Variants in SPATA16 observed in about 807,000 individuals in gnomAD.
SPATA16 encodes the protein spermatogenesis associated 16.
Under a neutral mutation model 63.3 loss-of-function variants are expected in SPATA16, and 36 were observed. That is an observed-to-expected ratio of 0.57 (90% CI 0.44 to 0.75). The LOEUF (loss-of-function observed/expected upper bound fraction) is 0.75, where lower values mean the gene tolerates loss of function less well. SPATA16 is among the 30% of genes least tolerant of loss of function. SPATA16 has a pLI of 0.00. For missense variants in SPATA16, 646 were observed against 679.3 expected, an observed-to-expected ratio of 0.95 and a Z score of 0.54; for synonymous variants, 203 against 216.7, an observed-to-expected ratio of 0.94 and a Z score of 0.56.
rs1176070890 is a variant in SPATA16 at position 173,048,809 on chromosome 3, C to CT, written c.758+139dup. 7.3e-6 allele frequency: 8 copies of CT among 1,099,486 alleles called. No individual in the cohort carries two copies. In the East Asian group the frequency reaches 2.0e-4, roughly 28 times the overall value. The allele number at this position is 1,099,486 out of a possible 1,614,324, so 68.1% of individuals were successfully genotyped here. ...TTTTGTGGTCTCCATGATTGCCTCA[C>CT]TTGACATAAAACAAGCAGTAAATAA... is the stretch of plus-strand genomic sequence containing the variant. On this transcript the variant is annotated intron_variant, in intron 3 of 10. Coordinates refer to ENST00000351008, the MANE Select transcript of SPATA16 (RefSeq NM_031955.6).
At chr3:172,921,349 C>G (rs1732611919) in intron 8 of SPATA16, among the ~76,000 whole-genome samples, 1 of 152,160 alleles carries the variant, frequency 6.6e-6, no homozygotes, top group Admixed American at 6.5e-5. Context: ...GCACAAGACA[C>G]TGGTCACTCA....
chr3:173,072,903 T>C (rs1736706830), intron 2 of SPATA16, among the ~76,000 whole-genome samples: 1 of 152,214 alleles, frequency 6.6e-6, no homozygotes, highest in Non-Finnish European at 1.5e-5. Flanking sequence ...CCTAGAGACT[T>C]ACTGAATGGC....
At chr3:172,902,889 T>G (rs1308242138) in intron 10 of SPATA16, among the ~76,000 whole-genome samples, 2 of 152,244 alleles carry the variant, frequency 1.3e-5, no homozygotes, top group African/African-American at 4.8e-5. Context: ...ATCAGAAGGA[T>G]AAATGATCCA....
intron 6 of SPATA16, among the ~76,000 whole-genome samples, chr3:172,949,456 G>T (rs1180066134): frequency 6.6e-6 from 1 of 152,122 alleles, no homozygotes; most frequent in Admixed American, 6.5e-5. Context: ...GTGCAACATT[G>T]ACTTCAAAAT....
intron 10 of SPATA16, among the ~76,000 whole-genome samples, chr3:172,899,803 A>T (rs1251812776): frequency 6.6e-6 from 1 of 152,002 alleles, no homozygotes; most frequent in Non-Finnish European, 1.5e-5. Flanking sequence ...TTTGCTCTAG[A>T]TATTACATGT....
chr3:173,044,290 G>A (rs972435596), intron 3 of SPATA16, among the ~76,000 whole-genome samples: 2 of 151,984 alleles, frequency 1.3e-5, no homozygotes, highest in South Asian at 4.1e-4. Flanking sequence ...ATCTTTTATT[G>A]TCTATCTCTT....
intron 2 of SPATA16, among the ~76,000 whole-genome samples, chr3:173,059,832 CTTTTTTTTTTT>C (rs201000096): frequency 2.9e-4 from 21 of 71,342 alleles, no homozygotes; most frequent in African/African-American, 9.8e-4. Flanking sequence ...CATTTGGTAG[CTTTTTTTTTTT>C]TTTTTTTTTT....
intron 2 of SPATA16, among the ~76,000 whole-genome samples, chr3:173,086,638 A>G (rs1379995768): frequency 6.6e-6 from 1 of 152,100 alleles, no homozygotes; most frequent in East Asian, 1.9e-4. Flanking sequence ...TAGGATGTCA[A>G]TTTGAGACCT....
At chr3:173,138,211 C>T (rs1738604431) in intron 1 of SPATA16, among the ~76,000 whole-genome samples, 1 of 151,954 alleles carries the variant, frequency 6.6e-6, no homozygotes, top group South Asian at 2.1e-4. Flanking sequence ...TAATTGAGAA[C>T]CAGTGGGAGA....
At chr3:173,071,737 ATG>A (rs1736678384) in intron 2 of SPATA16, among the ~76,000 whole-genome samples, 1 of 152,234 alleles carries the variant, frequency 6.6e-6, no homozygotes. Flanking sequence ...AGATAAAAAA[ATG>A]TGAATTAAAA....
chr3:172,916,820 G>C (rs947617693), intron 8 of SPATA16, among the ~76,000 whole-genome samples: 10 of 152,324 alleles, frequency 6.6e-5, no homozygotes, highest in African/African-American at 2.4e-4. Context: ...CTGCCTAGAA[G>C]GGGCGACTTT....
chr3:173,009,528 A>G (rs771162315), intron 4 of SPATA16, among the ~76,000 whole-genome samples: 1 of 152,188 alleles, frequency 6.6e-6, no homozygotes, highest in Non-Finnish European at 1.5e-5. Flanking sequence ...AGCCCAATGG[A>G]TCTTGGATCC....
chr3:173,031,479 A>G (rs1735608169), intron 3 of SPATA16, among the ~76,000 whole-genome samples: 1 of 152,030 alleles, frequency 6.6e-6, no homozygotes, highest in South Asian at 2.1e-4. Context: ...CAGAAAGATG[A>G]GCTTATCCAA....
rs189964165 is a variant in SPATA16, at chr3:173,116,798, C to T, written c.612+322G>A. 1.7e-3 allele frequency among the ~76,000 whole-genome samples: 260 copies of T among 152,260 alleles called. 2 individuals are homozygous for T. Among genetic ancestry groups the T allele is most frequent in the African/African-American group, 4.1e-3 (172 of 41,538 alleles). On this transcript the variant is annotated intron_variant, in intron 2 of 10. Coordinates refer to ENST00000351008, the MANE Select transcript of SPATA16 (RefSeq NM_031955.6). ...CCACCACCATTGTACTAAAACTTTA[C>T]GGCTTTTATAGGTGGGCAGCTAAGT...
At chr3:173,010,763 A>C (rs1466871760) in intron 4 of SPATA16, among the ~76,000 whole-genome samples, 1 of 151,474 alleles carries the variant, frequency 6.6e-6, no homozygotes, top group Admixed American at 6.6e-5. Flanking sequence ...CGAAAATCGT[A>C]CCCCACAGGC....
chr3:172,892,196 A>G (rs1327682523), intron 10 of SPATA16, among the ~76,000 whole-genome samples: 3 of 152,136 alleles, frequency 2.0e-5, no homozygotes, highest in Admixed American at 1.3e-4. Flanking sequence ...TAGCTTTGAG[A>G]GTGTCTTGCC....
At chr3:172,994,019 T>TAGAG (rs1734641944) in intron 4 of SPATA16, among the ~76,000 whole-genome samples, 1 of 152,166 alleles carries the variant, frequency 6.6e-6, no homozygotes, top group East Asian at 1.9e-4. Flanking sequence ...CCATAAACTT[T>TAGAG]TCATTACAGA....
chr3:173,132,924 C>G (rs1738424267), intron 1 of SPATA16, among the ~76,000 whole-genome samples: 1 of 152,034 alleles, frequency 6.6e-6, no homozygotes, highest in Non-Finnish European at 1.5e-5. Context: ...AACTCAGAGA[C>G]CAAGATGGTC....
intron 4 of SPATA16, among the ~76,000 whole-genome samples, chr3:172,997,941 G>A (rs1734727488): frequency 2.6e-5 from 4 of 152,052 alleles, no homozygotes; most frequent in Non-Finnish European, 4.4e-5. Flanking sequence ...GATTACTGTA[G>A]CTTTATAGTA....
Sources: allele counts gnomAD v4.1 joint callset (sites outside exome capture counted in the v4.1 genomes callset), GRCh38; gene constraint gnomAD v4.1.1; transcripts MANE v1.5; gene names NCBI Gene and HGNC (gene_info 2026-07-23, HGNC 2026-07-21).